The following UBQLN1 variants were observed in gnomAD, a reference collection of about 807,000 sequenced individuals.
UBQLN1 encodes the protein ubiquilin-1.
In UBQLN1, 13 loss-of-function variants were observed where a neutral mutation model predicts 65.4. The observed-to-expected ratio is 0.20, with a 90% confidence interval of 0.13 to 0.32. The LOEUF is 0.32. Ranked by LOEUF, UBQLN1 falls within the 10% of genes least tolerant of loss-of-function variation. The pLI is 1.00. For synonymous variants in UBQLN1, 267 were observed against 247.8 expected (o/e 1.08, Z -0.73); for missense variants, 561 against 724.0 (o/e 0.77, Z 2.58).
chr9:83,682,823 T>TG (rs1343465600), intron 3 of UBQLN1, 128 bp downstream of exon 3: 21 of 463,916 alleles, frequency 4.5e-5, no homozygotes, highest in South Asian at 1.2e-4. Context: ...TAGGAATGTA[T>TG]GTTTTTTTTT....
At position 83,707,908 on chromosome 9, in the gene UBQLN1, G is replaced by C. The variant is rs1832448700; in HGVS notation, c.-229C>G. ...CGCTCGGCAGCCGCCGTGTGTTCAG[G>C]CGCCGCTCGCTCACACCGACATCCG... On this transcript the variant is annotated 5_prime_UTR_variant, in exon 1 of 11. Coordinates refer to ENST00000376395, the MANE Select transcript of UBQLN1 (RefSeq NM_013438.5). The C allele has an allele frequency of 3.6e-6, 2 of 551,834 alleles. No homozygotes were observed. Among genetic ancestry groups the C allele is most frequent in the South Asian group, 5.7e-5 (2 of 35,124 alleles). 34.2% of individuals were successfully genotyped at this position (551,834 alleles called of 1,614,324 possible).
At chr9:83,674,592 T>C (rs1184833769) in intron 6 of UBQLN1, among the ~76,000 whole-genome samples, 1 of 152,144 alleles carries the variant, frequency 6.6e-6, no homozygotes, top group African/African-American at 2.4e-5. Flanking sequence ...AGTAACCAAA[T>C]GTGTCCAGAG....
At chr9:83,705,205 A>C (rs1262620504) in intron 1 of UBQLN1, among the ~76,000 whole-genome samples, 9 of 151,314 alleles carry the variant, frequency 5.9e-5, no homozygotes, top group African/African-American at 2.2e-4. Context: ...GTAAAATGAT[A>C]CAAGCATTTT....
chr9:83,673,560 AAAAAAAAC>A (rs1290010646), intron 6 of UBQLN1, among the ~76,000 whole-genome samples: 1,262 of 86,174 alleles, frequency 0.015, 42 homozygotes, highest in African/African-American at 0.046. Flanking sequence ...AAAAAAAAAA[AAAAAAAAC>A]AAAAAAAAAA....
At chr9:83,697,601 G>C (rs1832239616) in intron 1 of UBQLN1, among the ~76,000 whole-genome samples, 1 of 147,026 alleles carries the variant, frequency 6.8e-6, no homozygotes, top group Non-Finnish European at 1.5e-5. Context: ...TGTCGCCCAG[G>C]CTGGACTGCA....
chr9:83,698,876 T>C (rs1832264906), intron 1 of UBQLN1, among the ~76,000 whole-genome samples: 1 of 149,510 alleles, frequency 6.7e-6, no homozygotes, highest in African/African-American at 2.5e-5. Context: ...ATTGTGCCAC[T>C]GCACTCCAGC....
Position 83,661,666 on chromosome 9 carries a change from T to C in UBQLN1, c.*121A>G. On this transcript the variant is annotated 3_prime_UTR_variant, in exon 11 of 11. Coordinates refer to ENST00000376395, the MANE Select transcript of UBQLN1 (RefSeq NM_013438.5). Reference sequence around the variant, plus strand: ...CTGTACTCCACCTTAAAATGCATCATATTGGGTTTGTTTATAACAGCACAG... The same window carrying C: ...CTGTACTCCACCTTAAAATGCATCACATTGGGTTTGTTTATAACAGCACAG... The C allele has an allele frequency of 9.2e-7, 1 of 1,085,780 alleles. No homozygotes were observed. Among genetic ancestry groups the C allele is most frequent in the South Asian group, 1.9e-5 (1 of 52,690 alleles). 67.3% of individuals were successfully genotyped at this position (1,085,780 alleles called of 1,614,324 possible).
At chr9:83,707,164 C>A (rs1832424267) in intron 1 of UBQLN1, among the ~76,000 whole-genome samples, 1 of 152,096 alleles carries the variant, frequency 6.6e-6, no homozygotes, top group Admixed American at 6.5e-5. Context: ...CGGAGGCTGG[C>A]GGTGGGTCCC....
chr9:83,665,219 GT>G, intron 8 of UBQLN1, 74 bp from the exon 9 acceptor site: 1 of 1,134,160 alleles, frequency 8.8e-7, no homozygotes, highest in Non-Finnish European at 1.3e-6. Flanking sequence ...TCTTTTCTCT[GT>G]TATGCTTCTG....
At chr9:83,694,526 A>G (rs1360460124) in intron 1 of UBQLN1, among the ~76,000 whole-genome samples, 1 of 152,204 alleles carries the variant, frequency 6.6e-6, no homozygotes, top group Admixed American at 6.5e-5. Context: ...ACTACACTGA[A>G]TATGTAACAC....
At chr9:83,681,999 G>T (rs1264651699) in intron 3 of UBQLN1, among the ~76,000 whole-genome samples, 1 of 152,202 alleles carries the variant, frequency 6.6e-6, no homozygotes, top group Non-Finnish European at 1.5e-5. Context: ...AAGCTTTGTT[G>T]TAATAAGCCA....
intron 1 of UBQLN1, among the ~76,000 whole-genome samples, chr9:83,688,154 A>G (rs1832069501): frequency 6.6e-6 from 1 of 152,244 alleles, no homozygotes; most frequent in Non-Finnish European, 1.5e-5. Flanking sequence ...ACGAGAATGT[A>G]TATAAATGCA....
intron 5 of UBQLN1, among the ~76,000 whole-genome samples, 195 bp downstream of exon 5, chr9:83,678,246 C>T (rs577818682): frequency 2.6e-5 from 4 of 152,280 alleles, no homozygotes; most frequent in African/African-American, 7.2e-5. Context: ...TGGTCTTGAT[C>T]TCCTGACCTC....
At chr9:83,707,445 C>CGGGCGGA (rs1832430931) in intron 1 of UBQLN1, 55 bp downstream of exon 1, 1 of 1,527,080 alleles carries the variant, frequency 6.5e-7, no homozygotes, top group Non-Finnish European at 8.8e-7. Flanking sequence ...CCTGGGGCGG[C>CGGGCGGA]GGGCGGAGGT....
intron 6 of UBQLN1, 124 bp from the exon 7 acceptor site, chr9:83,669,451 T>C (rs897093620): frequency 1.2e-5 from 11 of 893,326 alleles, no homozygotes; most frequent in African/African-American, 3.5e-5. Flanking sequence ...ATATTATGTA[T>C]CAACTGAACT....
At chr9:83,682,870 T>C in intron 3 of UBQLN1, 81 bp downstream of exon 3, 5 of 649,684 alleles carry the variant, frequency 7.7e-6, no homozygotes, top group Non-Finnish European at 1.3e-5. Flanking sequence ...AATGTTTTAT[T>C]TTCTCATTTT....
intron 1 of UBQLN1, among the ~76,000 whole-genome samples, chr9:83,697,054 G>C: frequency 6.6e-6 from 1 of 152,018 alleles, no homozygotes; most frequent in East Asian, 1.9e-4. Flanking sequence ...GGGACTACAG[G>C]CTTGCACCAC....
intron 7 of UBQLN1, chr9:83,666,652 G>A (rs574731788): frequency 2.1e-5 from 9 of 425,206 alleles, no homozygotes; most frequent in Admixed American, 3.7e-5. Context: ...AATGAGAATG[G>A]TGGTTATGAT....
Position 83,678,440 on chromosome 9 carries a change from C to A in UBQLN1, c.870+1G>T. The A allele has an allele frequency of 6.2e-7, 1 of 1,607,830 alleles. No individual in the cohort carries two copies. Among genetic ancestry groups the A allele is most frequent in the Admixed American group, 1.7e-5 (1 of 58,804 alleles). ...CCTGAACCTTGGAGCCAGTGGATCACCTGCTCTTGTGCAGCACTCAGCATT... is the reference window on the plus strand; with the variant it reads ...CCTGAACCTTGGAGCCAGTGGATCAACTGCTCTTGTGCAGCACTCAGCATT... On this transcript the variant is annotated splice_donor_variant, in intron 5 of 10. Coordinates refer to ENST00000376395, the MANE Select transcript of UBQLN1 (RefSeq NM_013438.5). LOFTEE classifies it high-confidence loss of function.
Sources: allele counts gnomAD v4.1 joint callset (sites outside exome capture counted in the v4.1 genomes callset), GRCh38; gene constraint gnomAD v4.1.1; transcripts MANE v1.5; gene names NCBI Gene and HGNC (gene_info 2026-07-23, HGNC 2026-07-21).